Variants in UXS1 observed in about 807,000 individuals in gnomAD.
UXS1 encodes the protein UDP-glucuronate decarboxylase 1, also known as UDP-glucuronic acid decarboxylase 1.
A neutral mutation model predicts 62.6 loss-of-function variants in UXS1; 33 were observed. That is an observed-to-expected ratio of 0.53 (90% CI 0.40 to 0.70). UXS1 has a LOEUF of 0.70. Ranked by LOEUF, UXS1 falls within the 30% of genes least tolerant of loss-of-function variation. UXS1 has a pLI of 0.00. For missense variants in UXS1, 434 were observed against 556.3 expected (o/e 0.78, Z 2.21); for synonymous variants, 213 against 206.8 (o/e 1.03, Z -0.26).
intron 10 of UXS1, 55 bp from the exon 11 acceptor site, chr2:106,104,892 G>A: frequency 6.2e-7 from 1 of 1,610,878 alleles, no homozygotes; most frequent in Middle Eastern, 1.7e-4. Context: ...GTCCTGCGTA[G>A]GTGTCCTTGA....
At chr2:106,101,952 C>T (rs1356908721) in intron 11 of UXS1, 1 of 152,220 alleles carries the variant, frequency 6.6e-6, no homozygotes, top group Non-Finnish European at 1.5e-5. Context: ...TTTTAAAGCT[C>T]TGACCCTTCT....
At chr2:106,096,867 T>C in intron 13 of UXS1, 46 bp from the exon 14 acceptor site, 2 of 1,534,314 alleles carry the variant, frequency 1.3e-6, no homozygotes, top group Middle Eastern at 1.7e-4. Context: ...TCACAAAGCA[T>C]GGGTAAGCAC....
chr2:106,182,475 T>C (rs531740646), intron 1 of UXS1, among the ~76,000 whole-genome samples: 61 of 152,226 alleles, frequency 4.0e-4, no homozygotes, highest in Non-Finnish European at 7.3e-4. Flanking sequence ...TTCTCATTTC[T>C]CCTGTATTTT....
intron 1 of UXS1, among the ~76,000 whole-genome samples, chr2:106,191,417 T>C (rs143410966): frequency 6.6e-6 from 1 of 152,352 alleles, no homozygotes; most frequent in Non-Finnish European, 1.5e-5. Context: ...AGGGACTACA[T>C]TTTCAGTGTC....
intron 1 of UXS1, among the ~76,000 whole-genome samples, chr2:106,178,951 AG>A (rs973486024): frequency 2.6e-5 from 4 of 152,214 alleles, no homozygotes; most frequent in Non-Finnish European, 4.4e-5. Flanking sequence ...AACGGACAGC[AG>A]GGCGGTGTTG....
At position 106,158,113 on chromosome 2, in the gene UXS1, G is replaced by A. The variant is rs1263871928; in HGVS notation, c.236C>T (p.Thr79Ile). ...AAACTTTACTGGTGGGTATTTCTGG[G>A]TAAAGCTGTATAATATAAAGAGATT... ...EKIRDLEKSFTQKYPPVKFLS... is the reference protein window; with the variant it reads ...EKIRDLEKSFIQKYPPVKFLS... The change falls in exon 5 of 15, where the codon ACC becomes ATC. Residue 79 changes from threonine to isoleucine, a missense_variant. Thr to Ile is a moderately conservative substitution (Grantham distance 89). Transcript: ENST00000283148. 6.4e-7 allele frequency: 1 copy of A among 1,562,032 alleles called. No homozygotes were observed. Among genetic ancestry groups the A allele is most frequent in the South Asian group, 1.2e-5 (1 of 84,724 alleles).
chr2:106,152,311 G>T (rs1039827998), intron 5 of UXS1, among the ~76,000 whole-genome samples: 14 of 152,180 alleles, frequency 9.2e-5, no homozygotes, highest in African/African-American at 3.4e-4. Context: ...AATTAGCTGG[G>T]CATGGTGGAG....
At chr2:106,176,378 G>A (rs182998390) in intron 1 of UXS1, among the ~76,000 whole-genome samples, 2 of 152,340 alleles carry the variant, frequency 1.3e-5, no homozygotes, top group African/African-American at 4.8e-5. Flanking sequence ...ATTCTTCTAA[G>A]AAGAAAAGCA....
chr2:106,112,498 C>T lies in UXS1; in HGVS notation c.879+148G>A. ...ATGCATCTGGGTTATGTCCCCGTGC[C>T]TGCCTTCCCCTTAGTGGAGGGTAGC... On this transcript the variant is annotated intron_variant, in intron 10 of 14. Coordinates refer to ENST00000283148, the MANE Select transcript of UXS1 (RefSeq NM_001253875.2). The T allele has an allele frequency of 3.0e-6, 4 of 1,313,670 alleles. No homozygotes were observed. In the South Asian group the frequency reaches 6.0e-5, roughly 20 times the overall value. 81.4% of individuals were successfully genotyped at this position (1,313,670 alleles called of 1,614,324 possible).
intron 9 of UXS1, among the ~76,000 whole-genome samples, chr2:106,122,026 C>T (rs1398352491): frequency 6.6e-6 from 1 of 152,172 alleles, no homozygotes; most frequent in African/African-American, 2.4e-5. Flanking sequence ...TGGATGCTGG[C>T]CATGCTGATG....
In UXS1 at chr2:106,118,319, T is replaced by A. The variant is rs550151564; in HGVS notation, c.759+4651A>T. Among the ~76,000 whole-genome samples, 174 of 152,188 alleles carry A rather than the reference T, an allele frequency of 1.1e-3. 1 individual carries two copies. The highest frequency in any genetic ancestry group is 1.0e-4 in the Non-Finnish European group (7 of 67,998). On this transcript the variant is annotated intron_variant, in intron 9 of 14. Transcript: ENST00000283148. ...CAGGAACTAAAACAAAACCATACCT[T>A]CAGGGCCATTAGACTAGGTGATTTC...
At chr2:106,112,832 C>T in intron 9 of UXS1, 67 bp from the exon 10 acceptor site, 1 of 1,559,142 alleles carries the variant, frequency 6.4e-7, no homozygotes, top group Non-Finnish European at 8.7e-7. Flanking sequence ...CTTTGCATTT[C>T]CAGTGCCCTG....
intron 6 of UXS1, among the ~76,000 whole-genome samples, chr2:106,130,882 G>A (rs923359921): frequency 6.6e-6 from 1 of 152,104 alleles, no homozygotes; most frequent in African/African-American, 2.4e-5. Context: ...ACATTTGAAA[G>A]CCAAGTCTGG....
At chr2:106,109,712 C>T (rs1271355677) in intron 10 of UXS1, among the ~76,000 whole-genome samples, 3 of 152,180 alleles carry the variant, frequency 2.0e-5, no homozygotes, top group Non-Finnish European at 2.9e-5. Flanking sequence ...ATGCACTTAA[C>T]CCAGCGACAT....
chr2:106,160,326 C>T (rs1682792792), intron 4 of UXS1: 1 of 152,254 alleles, frequency 6.6e-6, no homozygotes, highest in South Asian at 2.1e-4. Flanking sequence ...TGCCGTGGCA[C>T]AGCTGAGACT....
At chr2:106,157,474 A>G (rs976200137) in intron 5 of UXS1, among the ~76,000 whole-genome samples, 3 of 152,214 alleles carry the variant, frequency 2.0e-5, no homozygotes, top group African/African-American at 7.2e-5. Flanking sequence ...TTCCTCAAAA[A>G]GTTAAACACA....
chr2:106,188,668 G>T (rs907167777), intron 1 of UXS1, among the ~76,000 whole-genome samples: 4 of 152,192 alleles, frequency 2.6e-5, no homozygotes, highest in African/African-American at 9.7e-5. Flanking sequence ...TGTGACAATA[G>T]CCCGGGAGGA....
At chr2:106,155,635 T>C (rs1367881879) in intron 5 of UXS1, among the ~76,000 whole-genome samples, 1 of 152,174 alleles carries the variant, frequency 6.6e-6, no homozygotes, top group Non-Finnish European at 1.5e-5. Context: ...GTAGCCTAAG[T>C]GTGTAGCAGG....
chr2:106,117,942 A>G (rs546128076), intron 9 of UXS1, among the ~76,000 whole-genome samples: 25 of 152,378 alleles, frequency 1.6e-4, no homozygotes, highest in African/African-American at 5.5e-4. Context: ...AAGGGGGTCC[A>G]GGAGGGGTGT....
Sources: gnomAD v4.1 joint callset for allele counts (sites outside exome capture counted in the v4.1 genomes callset) on GRCh38, gnomAD v4.1.1 for gene constraint, MANE v1.5 for transcripts, NCBI Gene and HGNC (gene_info 2026-07-23, HGNC 2026-07-21) for gene names.